The following FTCD variants were observed in gnomAD, a reference collection of about 807,000 sequenced individuals.
FTCD encodes formimidoyltransferase cyclodeaminase.
FTCD carries 76 observed loss-of-function variants against 62.9 expected under a neutral mutation model. The observed-to-expected ratio is 1.21, with a 90% CI of 1.00 to 1.46. FTCD has a LOEUF of 1.46. Among genes scored for constraint, FTCD ranks in the 40% most tolerant of loss-of-function variants. FTCD has a pLI of 0.00. For synonymous variants in FTCD, 397 were observed against 336.9 expected (o/e 1.18, Z -1.95); for missense variants, 845 against 751.3 (o/e 1.12, Z -1.46).
intron 10 of FTCD, among the ~76,000 whole-genome samples, chr21:46,144,320 C>T (rs555696050): frequency 4.0e-5 from 6 of 148,668 alleles, no homozygotes; most frequent in Non-Finnish European, 3.0e-5. Flanking sequence ...TCTCTACACA[C>T]GGGGAGAAAA....
chr21:46,142,927 C>T (rs997937426), intron 10 of FTCD, among the ~76,000 whole-genome samples: 1 of 152,170 alleles, frequency 6.6e-6, no homozygotes, highest in African/African-American at 2.4e-5. Context: ...AGAAGTTCTC[C>T]AAGTTCCCAC....
At chr21:46,154,535 T>C (rs1019165725) in intron 1 of FTCD, among the ~76,000 whole-genome samples, 1 of 140,590 alleles carries the variant, frequency 7.1e-6, no homozygotes, top group Non-Finnish European at 1.6e-5. Context: ...CCACAGTCAC[T>C]CCAGCCCAAG....
intron 12 of FTCD, 37 bp downstream of exon 12, chr21:46,138,471 T>C: frequency 1.3e-6 from 2 of 1,559,170 alleles, no homozygotes; most frequent in South Asian, 1.2e-5. Flanking sequence ...CTTCCTGCTT[T>C]GCGGCAGGAG....
Position 46,155,339 on chromosome 21 carries a change from G to C in FTCD, c.54+131C>G, listed in dbSNP as rs751992598. 3 of 770,172 alleles carry C rather than the reference G, an allele frequency of 3.9e-6. No individual in the cohort carries two copies. In the Admixed American group the frequency reaches 6.0e-5, roughly 15 times the overall value. The allele number at this position is 770,172 out of a possible 1,614,324, so 47.7% of individuals were successfully genotyped here. On this transcript the variant is annotated intron_variant, in intron 1 of 13. Transcript: ENST00000397746. ...GCCACGGGATGTCCTTGGGGCCCAC[G>C]GGCAGCGGCTCTGCCCATCCTGGGA...
rs1293535854 is a variant in FTCD at position 46,137,390 on chromosome 21, G to T, written c.1444-56C>A. 2.3e-6 allele frequency: 3 copies of T among 1,327,698 alleles called. No individual in the cohort carries two copies. In the Admixed American group the frequency reaches 5.0e-5, roughly 22 times the overall value. The allele number at this position is 1,327,698 out of a possible 1,614,324, so 82.2% of individuals were successfully genotyped here. A position where few individuals can be genotyped will look rare whatever the true frequency, so the allele number is the denominator to read the frequency against. ...ATCAAGGCTGAGCAAACTGCCGGAAGGAGGGTCTCTGCCTGACGGGCTCTG... is the reference window on the plus strand; with the variant it reads ...ATCAAGGCTGAGCAAACTGCCGGAATGAGGGTCTCTGCCTGACGGGCTCTG... On this transcript the variant is annotated intron_variant, in intron 12 of 13. Transcript: ENST00000397746.
At chr21:46,140,476 C>T (rs1238385055) in intron 10 of FTCD, among the ~76,000 whole-genome samples, 1 of 146,112 alleles carries the variant, frequency 6.8e-6, no homozygotes, top group Non-Finnish European at 1.5e-5. Context: ...TCCACCTTCA[C>T]ATTGTTCGCA....
chr21:46,136,596 G>T (rs1180261007), downstream of FTCD: 6 of 1,533,702 alleles, frequency 3.9e-6, no homozygotes, highest in Non-Finnish European at 5.3e-6. Context: ...CTGTGACCCT[G>T]CCCACTGTGG....
At chr21:46,150,056 G>T in intron 7 of FTCD, 63 bp downstream of exon 7, 7 of 1,236,992 alleles carry the variant, frequency 5.7e-6, no homozygotes, top group Non-Finnish European at 6.9e-6. Context: ...TGTGAGCTCC[G>T]CCACCGCCTC....
In FTCD at chr21:46,153,002, C is replaced by T. The variant is rs949056713; in HGVS notation, c.272G>A (p.Cys91Tyr). 3.9e-6 allele frequency: 6 copies of T among 1,550,532 alleles called. No homozygotes were observed. Among genetic ancestry groups the T allele is most frequent in the Non-Finnish European group, 3.5e-6 (4 of 1,147,244 alleles). ...EHPRMGALDV[C>Y]PFIPVRGVSV... ...GACGCCCCTCACGGGGATGAAGGGGCAGACGTCTAGGGCCCCCATGCGGGG... is the reference window on the plus strand; with the variant it reads ...GACGCCCCTCACGGGGATGAAGGGGTAGACGTCTAGGGCCCCCATGCGGGG... Residue 91 changes from cysteine to tyrosine, a missense_variant, in exon 3 of 14, where the codon TGC becomes TAC. Cys to Tyr is a radical substitution (Grantham distance 194). Transcript: ENST00000397746.
At chr21:46,151,319 C>T (rs1387333656) in intron 5 of FTCD, among the ~76,000 whole-genome samples, 3 of 152,240 alleles carry the variant, frequency 2.0e-5, no homozygotes, top group Non-Finnish European at 2.9e-5. Context: ...AGTCCTGCCT[C>T]GTTCCCTGGA....
At chr21:46,155,091 G>A (rs1283420761) in intron 1 of FTCD, among the ~76,000 whole-genome samples, 4 of 152,220 alleles carry the variant, frequency 2.6e-5, no homozygotes, top group African/African-American at 7.2e-5. Flanking sequence ...CGGCAGTGGG[G>A]ACCATGCTGG....
At chr21:46,146,385 C>T (rs1392782204) in intron 7 of FTCD, 58 bp from the exon 8 acceptor site, 1 of 1,225,184 alleles carries the variant, frequency 8.2e-7, no homozygotes, top group African/African-American at 1.5e-5. Flanking sequence ...CCAGGAAAGC[C>T]TCGGAACCCG....
At chr21:46,141,555 C>A (rs1167670626) in intron 10 of FTCD, among the ~76,000 whole-genome samples, 1 of 152,088 alleles carries the variant, frequency 6.6e-6, no homozygotes, top group African/African-American at 2.4e-5. Context: ...TCTGGGGAGG[C>A]CATTTGAACT....
rs376845160 is a variant in FTCD at position 46,138,599 on chromosome 21, G to A, written c.1352C>T (p.Pro451Leu). ...QEGLRRAVSV[P>L]LTLAETVASL... ...GGCCACCGTCTCCGCCAGCGTCAGC[G>A]GCACAGAGACTGCCCGCCTCAGACC... is the stretch of plus-strand genomic sequence containing the variant. Residue 451 changes from proline to leucine, a missense_variant, in exon 12 of 14, where the codon CCG (proline) becomes CTG (leucine). Coordinates refer to ENST00000397746, the MANE Select transcript of FTCD (RefSeq NM_206965.2). 91 of 1,591,530 alleles carry A rather than the reference G, an allele frequency of 5.7e-5. No individual in the cohort carries two copies. The highest frequency in any genetic ancestry group is 2.7e-4 in the Admixed American group (16 of 58,438).
chr21:46,137,319 G>A lies in FTCD; in HGVS notation c.1459C>T (p.Leu487=), dbSNP rs61735838. The A allele has an allele frequency of 6.2e-7, 1 of 1,613,620 alleles. No homozygotes were observed. Among genetic ancestry groups the A allele is most frequent in the Non-Finnish European group, 8.5e-7 (1 of 1,179,876 alleles). Residue 487 remains leucine (L), a synonymous_variant, in exon 13 of 14, where the codon CTG becomes TTG. Coordinates refer to ENST00000397746, the MANE Select transcript of FTCD (RefSeq NM_206965.2). ...TATGCGCCAAACACGCCCATCTCCA[G>A]GGCTTTGGCCGCCACCTGCAAGGAC... ...RSDLQVAAKA[L]EMGVFGAYFN... is the part of the protein sequence containing the mutation.
chr21:46,153,326 C>T (rs1197029920), intron 2 of FTCD, among the ~76,000 whole-genome samples: 1 of 152,192 alleles, frequency 6.6e-6, no homozygotes, highest in East Asian at 1.9e-4. Context: ...GGTGGTCTGG[C>T]ATCTCTGGGA....
rs373426560 is a variant in FTCD at position 46,138,633 on chromosome 21, G to C, written c.1318C>G (p.Leu440Val). The change falls in exon 12 of 14, where the codon CTA (leucine) becomes GTA (valine). Residue 440 changes from leucine to valine, a missense_variant. Coordinates refer to ENST00000397746, the MANE Select transcript of FTCD (RefSeq NM_206965.2). Reference protein sequence around the residue: ...PEEKDRRTAALQEGLRRAVSV... With the variant: ...PEEKDRRTAAVQEGLRRAVSV... ...ACTGCCCGCCTCAGACCCTCCTGTA[G>C]GGCCGCCGTGCGCCTGAAAGGAGCA... 4 of 1,594,750 alleles carry C rather than the reference G, an allele frequency of 2.5e-6. No homozygotes were observed. The highest frequency in any genetic ancestry group is 3.4e-6 in the Non-Finnish European group (4 of 1,177,558).
At position 46,154,193 on chromosome 21, in the gene FTCD, G is replaced by A. The variant is rs747264496; in HGVS notation, c.194C>T (p.Ala65Val). ...PECVVEGALN[A>V]ARVASRLIDM... The stretch of plus-strand genomic sequence containing the variant: ...GATAAGTCGGGAAGCTACCCGGGCA[G>A]CGTTGAGGGCCCCCTCCACCACGCA... The change falls in exon 2 of 14, where the codon GCT becomes GTT. Residue 65 changes from alanine to valine, a missense_variant. By Grantham distance (64) the Ala-to-Val change is moderately conservative. Coordinates refer to ENST00000397746, the MANE Select transcript of FTCD (RefSeq NM_206965.2). 1.2e-6 allele frequency: 2 copies of A among 1,612,864 alleles called. No individual in the cohort carries two copies. Among genetic ancestry groups the A allele is most frequent in the Non-Finnish European group, 1.7e-6 (2 of 1,179,994 alleles).
At chr21:46,153,544 C>T (rs1031946563) in intron 2 of FTCD, among the ~76,000 whole-genome samples, 2 of 152,192 alleles carry the variant, frequency 1.3e-5, no homozygotes, top group African/African-American at 4.8e-5. Context: ...TACACCAAGC[C>T]GTGGGTCGGC....
Sources: allele counts gnomAD v4.1 joint callset (sites outside exome capture counted in the v4.1 genomes callset), GRCh38; gene constraint gnomAD v4.1.1; transcripts MANE v1.5; gene names NCBI Gene and HGNC (gene_info 2026-07-23, HGNC 2026-07-21).